The following ZMIZ1 variants were observed in gnomAD, a reference collection of about 807,000 sequenced individuals.
The protein encoded by ZMIZ1 is zinc finger MIZ-type containing 1.
ZMIZ1 carries 17 observed loss-of-function variants against 113.9 expected under a neutral mutation model. The observed-to-expected ratio is 0.15, with a 90% CI of 0.10 to 0.22. The LOEUF (loss-of-function observed/expected upper bound fraction) is 0.22. Among genes scored for constraint, ZMIZ1 ranks in the 10% least tolerant of loss-of-function variants. The probability of loss-of-function intolerance (pLI) is 1.00; values close to 1 mark genes in which losing one functional copy is unlikely to be tolerated. For synonymous variants in ZMIZ1, 607 were observed against 603.1 expected (o/e 1.01, Z -0.09); for missense variants, 1,059 against 1,477.8 (o/e 0.72, Z 4.65).
At chr10:79,269,031 T>G (rs1354641694) in intron 7 of ZMIZ1, among the ~76,000 whole-genome samples, 1 of 152,070 alleles carries the variant, frequency 6.6e-6, no homozygotes, top group East Asian at 1.9e-4. Flanking sequence ...CTCGAGGTGC[T>G]CCCTGGGATT....
intron 18 of ZMIZ1, among the ~76,000 whole-genome samples, chr10:79,302,725 G>A (rs992131021): frequency 4.1e-5 from 5 of 123,244 alleles, no homozygotes; most frequent in African/African-American, 9.6e-5. Context: ...AGAGAATGTC[G>A]CTCTGTTACC....
intron 1 of ZMIZ1, among the ~76,000 whole-genome samples, chr10:79,098,952 T>C (rs1843262892): frequency 1.3e-5 from 2 of 152,158 alleles, no homozygotes; most frequent in Admixed American, 6.5e-5. Context: ...GACGTCTGCA[T>C]TGGCCCCTGG....
At chr10:79,285,497 C>T (rs1394666119) in intron 8 of ZMIZ1, 2 of 455,966 alleles carry the variant, frequency 4.4e-6, no homozygotes, top group East Asian at 1.4e-4. Context: ...GGTTTCATCG[C>T]TTCCCTCTGT....
At chr10:79,310,431 G>A (rs1313929874) in intron 23 of ZMIZ1, among the ~76,000 whole-genome samples, 1 of 152,202 alleles carries the variant, frequency 6.6e-6, no homozygotes, top group African/African-American at 2.4e-5. Context: ...CACTTGGGAG[G>A]TGCAGACCCA....
At chr10:79,227,299 C>T (rs1849233984) in intron 7 of ZMIZ1, among the ~76,000 whole-genome samples, 2 of 152,190 alleles carry the variant, frequency 1.3e-5, no homozygotes. Flanking sequence ...CATCTTTGGG[C>T]TCATTCAACA....
At chr10:79,295,475 G>A (rs1180400499) in intron 12 of ZMIZ1, 1 of 152,196 alleles carries the variant, frequency 6.6e-6, no homozygotes, top group African/African-American at 2.4e-5. Context: ...TATTTGAATT[G>A]TTGGAGCCTT....
intron 2 of ZMIZ1, among the ~76,000 whole-genome samples, chr10:79,125,190 G>C (rs1471907469): frequency 6.6e-6 from 1 of 152,188 alleles, no homozygotes; most frequent in Non-Finnish European, 1.5e-5. Flanking sequence ...TAAAGCGACC[G>C]ACGATGGAGC....
chr10:79,149,654 G>A (rs768845082), intron 3 of ZMIZ1, among the ~76,000 whole-genome samples: 9 of 152,190 alleles, frequency 5.9e-5, no homozygotes, highest in Non-Finnish European at 1.2e-4. Flanking sequence ...TTGACATCAC[G>A]TTGTCCTCAT....
intron 12 of ZMIZ1, 177 bp downstream of exon 12, chr10:79,293,830 A>G (rs776330561): frequency 1.6e-5 from 15 of 947,970 alleles, no homozygotes. Flanking sequence ...GCTGTTTCCC[A>G]ACTGAAAGAC....
intron 1 of ZMIZ1, among the ~76,000 whole-genome samples, chr10:79,078,640 G>T (rs931713164): frequency 1.4e-5 from 2 of 142,960 alleles, no homozygotes; most frequent in Non-Finnish European, 3.0e-5. Flanking sequence ...TGCCTCCTGG[G>T]CTCAGGTGAT....
chr10:79,221,948 C>T (rs1000941225), intron 7 of ZMIZ1, among the ~76,000 whole-genome samples: 1 of 152,232 alleles, frequency 6.6e-6, no homozygotes, highest in Non-Finnish European at 1.5e-5. Flanking sequence ...ATGCTATTGG[C>T]AAAGTCAAAA....
intron 3 of ZMIZ1, among the ~76,000 whole-genome samples, chr10:79,157,884 G>C (rs1356955358): frequency 6.6e-6 from 1 of 152,152 alleles, no homozygotes; most frequent in Non-Finnish European, 1.5e-5. Flanking sequence ...TCCAAGTTGG[G>C]GAATCCCCTG....
chr10:79,287,858 C>T (rs1054374269), intron 8 of ZMIZ1, among the ~76,000 whole-genome samples: 4 of 152,230 alleles, frequency 2.6e-5, no homozygotes, highest in Admixed American at 1.3e-4. Flanking sequence ...AAGTCTCTGC[C>T]GTCACAGAGC....
Position 79,137,071 on chromosome 10 carries a change from G to T in ZMIZ1, c.-226-2611G>T, listed in dbSNP as rs11817063. On this transcript the variant is annotated intron_variant, in intron 2 of 24. Coordinates refer to ENST00000334512, the MANE Select transcript of ZMIZ1 (RefSeq NM_020338.4). ...CTGATTCTAAATATATATTTGTAAT[G>T]TTAAATAATTTTTAAAACAGGGCCT... Among the ~76,000 whole-genome samples the T allele has an allele frequency of 6.6e-3, 1,006 of 152,342 alleles. 6 individuals are homozygous for T. The highest frequency in any genetic ancestry group is 0.018 in the African/African-American group (761 of 41,582).
chr10:79,303,745 G>A (rs974875819), intron 18 of ZMIZ1, among the ~76,000 whole-genome samples: 1 of 152,236 alleles, frequency 6.6e-6, no homozygotes, highest in African/African-American at 2.4e-5. Context: ...CGCGAAGGCA[G>A]GGCCTGCTCT....
intron 4 of ZMIZ1, among the ~76,000 whole-genome samples, chr10:79,201,283 A>T (rs1196094646): frequency 6.6e-6 from 1 of 152,200 alleles, no homozygotes; most frequent in Non-Finnish European, 1.5e-5. Flanking sequence ...ACTCCAGCCT[A>T]GGTGACAAGA....
chr10:79,078,711 A>ATTTTTTT (rs1347982426), intron 1 of ZMIZ1, among the ~76,000 whole-genome samples: 9 of 81,750 alleles, frequency 1.1e-4, no homozygotes, highest in African/African-American at 3.5e-4. Flanking sequence ...TGCCCAGCTA[A>ATTTTTTT]TTTTTGTATT....
intron 1 of ZMIZ1, among the ~76,000 whole-genome samples, chr10:79,098,417 A>ATTCC (rs929248572): frequency 2.6e-5 from 4 of 152,218 alleles, no homozygotes; most frequent in African/African-American, 9.6e-5. Flanking sequence ...ACCTCAGGGA[A>ATTCC]GTGACTCGAC....
Position 79,118,028 on chromosome 10 carries a change from G to GA in ZMIZ1, c.-336-887_-336-886insA, listed in dbSNP as rs1844132349. On this transcript the variant is annotated intron_variant, in intron 1 of 24. Transcript: ENST00000334512. The surrounding 1 kb of genome is among the most constrained non-coding windows in gnomAD (Gnocchi z 4.1). ...CAGGGGTCTGCAGATGCAGGAACTG[G>GA]GGGGAGACAGCCACACAGCCTCCAT... 6.6e-6 allele frequency among the ~76,000 whole-genome samples: 1 copy of GA among 152,208 alleles called. No individual in the cohort carries two copies. Among genetic ancestry groups the GA allele is most frequent in the African/African-American group, 2.4e-5 (1 of 41,426 alleles).
Sources: allele counts gnomAD v4.1 joint callset (sites outside exome capture counted in the v4.1 genomes callset), GRCh38; gene constraint gnomAD v4.1.1; non-coding constraint Gnocchi (gnomAD v3.1); transcripts MANE v1.5; gene names NCBI Gene and HGNC (gene_info 2026-07-23, HGNC 2026-07-21).